Variants in CUL5 observed in about 807,000 individuals in gnomAD.
CUL5 encodes cullin 5.
CUL5 carries 26 observed loss-of-function variants against 108.8 expected under a neutral mutation model. The observed-to-expected ratio is 0.24, with a 90% CI of 0.18 to 0.33. CUL5 has a LOEUF of 0.33. CUL5 is among the 10% of genes least tolerant of loss of function. The pLI is 1.00. For synonymous variants in CUL5, 334 were observed against 298.0 expected (o/e 1.12, Z -1.25); for missense variants, 524 against 909.2 (o/e 0.58, Z 5.45).
intron 7 of CUL5, among the ~76,000 whole-genome samples, chr11:108,055,526 A>G (rs1415463601): frequency 1.3e-5 from 2 of 151,880 alleles, no homozygotes; most frequent in African/African-American, 4.8e-5. Flanking sequence ...ATTATACCTC[A>G]CTGTAACTCC....
At position 108,050,041 on chromosome 11, in the gene CUL5, A is replaced by G; in HGVS notation, c.386A>G (p.Asn129Ser). 7.4e-6 allele frequency: 12 copies of G among 1,612,678 alleles called. No individual in the cohort carries two copies. Among genetic ancestry groups the G allele is most frequent in the Non-Finnish European group, 8.5e-6 (10 of 1,179,544 alleles). Residue 129 changes from asparagine (N) to serine (S), a missense_variant, in exon 4 of 19, where the codon AAT (asparagine) becomes AGT (serine). Asn to Ser is a conservative substitution (Grantham distance 46). Around this residue, in one of 8 missense-constraint regions of CUL5, gnomAD observed 170 missense variants for 305.1 expected, o/e 0.56. Transcript: ENST00000393094. ...MGKQGSNKKS[N>S]VEDSIVRKLM... is the part of the protein sequence containing the mutation. ...AAACAGGGCAGCAATAAAAAATCAA[A>G]TGTGGAAGACAGTATTGTTCGAAAG...
At chr11:108,050,122 GA>G in intron 4 of CUL5, 56 bp downstream of exon 4, 1 of 1,434,692 alleles carries the variant, frequency 7.0e-7, no homozygotes, top group African/African-American at 1.4e-5. Flanking sequence ...GGGTAATTTG[GA>G]AGCATTTGAA....
intron 8 of CUL5, 45 bp from the exon 9 acceptor site, chr11:108,072,287 C>A: frequency 1.4e-6 from 2 of 1,465,432 alleles, no homozygotes; most frequent in Non-Finnish European, 9.3e-7. Flanking sequence ...TAAACTCTTA[C>A]TCTAGTAAAT....
At chr11:108,091,691 T>TCACA (rs1170721478) in intron 13 of CUL5, among the ~76,000 whole-genome samples, 22 of 59,762 alleles carry the variant, frequency 3.7e-4, no homozygotes, top group Non-Finnish European at 1.4e-4. Context: ...CCTGTCTCTC[T>TCACA]CACTCACACA....
intron 16 of CUL5, among the ~76,000 whole-genome samples, chr11:108,096,564 C>CTTTTT (rs71047671): frequency 2.2e-5 from 1 of 45,818 alleles, no homozygotes; most frequent in Non-Finnish European, 3.8e-5. Flanking sequence ...CAGCTATGTA[C>CTTTTT]TTTTTTTTTT....
rs771111510 is a variant in CUL5, at chr11:108,073,377, C to T, written c.1006-13C>T. The T allele has an allele frequency of 4.1e-5, 52 of 1,271,650 alleles. No homozygotes were observed. The highest frequency in any genetic ancestry group is 5.0e-5 in the Non-Finnish European group (45 of 894,410). 78.8% of individuals were successfully genotyped at this position (1,271,650 alleles called of 1,614,324 possible). A position where few individuals can be genotyped will look rare whatever the true frequency, so the allele number is the denominator to read the frequency against. On this transcript the variant is annotated splice_polypyrimidine_tract_variant and intron_variant, in intron 9 of 18. Coordinates refer to ENST00000393094, the MANE Select transcript of CUL5 (RefSeq NM_003478.6). ...TTCTTTTAAAAACTTAATGTAAAAC[C>T]TTTTGTTTCTAGGACTCTGAGAAAT...
intron 1 of CUL5, among the ~76,000 whole-genome samples, chr11:108,032,737 T>G (rs1335170132): frequency 6.6e-6 from 1 of 152,208 alleles, no homozygotes; most frequent in Non-Finnish European, 1.5e-5. Context: ...TTATTTAGAT[T>G]TTTGCATCTT....
Position 108,104,291 on chromosome 11 carries a change from G to A in CUL5, c.2250G>A (p.Lys750=), listed in dbSNP as rs1235185085. 3 of 1,610,754 alleles carry A rather than the reference G, an allele frequency of 1.9e-6. No individual in the cohort carries two copies. Among genetic ancestry groups the A allele is most frequent in the Non-Finnish European group, 1.7e-6 (2 of 1,178,844 alleles). Residue 750 remains lysine, a synonymous_variant, in exon 19 of 19, where the codon AAG becomes AAA. Coordinates refer to ENST00000393094, the MANE Select transcript of CUL5 (RefSeq NM_003478.6). ...TGAAAAACATGTTCTTGCCACAAAA[G>A]AAAATGATAAAAGAGCAAATAGAGT... ...EILKNMFLPQ[K]KMIKEQIEWL...
At chr11:108,029,489 G>A (rs1342918344) in intron 1 of CUL5, among the ~76,000 whole-genome samples, 1 of 152,218 alleles carries the variant, frequency 6.6e-6, no homozygotes, top group Admixed American at 6.5e-5. Context: ...GCAGCCTTCA[G>A]TCAGTCAGTG....
intron 1 of CUL5, among the ~76,000 whole-genome samples, chr11:108,030,327 CCCATGGGTCCT>C (rs1357489952): frequency 2.6e-5 from 4 of 152,144 alleles, no homozygotes; most frequent in African/African-American, 9.7e-5. Flanking sequence ...GTGGATATCT[CCCATGGGTCCT>C]TATGATAAGA....
chr11:108,037,070 A>G (rs1436322112), intron 2 of CUL5, among the ~76,000 whole-genome samples: 1 of 152,070 alleles, frequency 6.6e-6, no homozygotes, highest in African/African-American at 2.4e-5. Flanking sequence ...GGTCCACCCA[A>G]AACTCACCTT....
chr11:108,060,506 C>T (rs761450966), intron 7 of CUL5, among the ~76,000 whole-genome samples: 2 of 151,646 alleles, frequency 1.3e-5, no homozygotes, highest in Non-Finnish European at 2.9e-5. Flanking sequence ...GAAATTTGAG[C>T]GAGGTAGAAA....
intron 7 of CUL5, among the ~76,000 whole-genome samples, chr11:108,060,959 A>G (rs1457137695): frequency 6.6e-6 from 1 of 152,100 alleles, no homozygotes; most frequent in African/African-American, 2.4e-5. Context: ...AGCAGGCATT[A>G]TTTTTGAAGA....
intron 3 of CUL5, among the ~76,000 whole-genome samples, chr11:108,047,053 C>T (rs1355793900): frequency 6.6e-6 from 1 of 152,092 alleles, no homozygotes; most frequent in East Asian, 1.9e-4. Flanking sequence ...CACAGTAGCT[C>T]AGGCCTGTAA....
intron 1 of CUL5, among the ~76,000 whole-genome samples, chr11:108,029,226 C>T (rs1862520962): frequency 6.6e-6 from 1 of 151,088 alleles, no homozygotes; most frequent in African/African-American, 2.4e-5. Context: ...CCAGGTATTC[C>T]CCCATTGTCA....
At chr11:108,013,959 A>T (rs548102186) in intron 1 of CUL5, among the ~76,000 whole-genome samples, 1 of 152,330 alleles carries the variant, frequency 6.6e-6, no homozygotes, top group African/African-American at 2.4e-5. Context: ...TGACATCCAT[A>T]TGCAAGGTAC....
intron 18 of CUL5, among the ~76,000 whole-genome samples, chr11:108,099,370 G>A (rs1864586397): frequency 6.6e-6 from 1 of 152,160 alleles, no homozygotes. Flanking sequence ...TATAGATCAT[G>A]TAATAGGATA....
intron 8 of CUL5, among the ~76,000 whole-genome samples, chr11:108,070,598 A>G (rs1053494998): frequency 5.0e-5 from 7 of 138,924 alleles, no homozygotes; most frequent in Admixed American, 2.3e-4. Flanking sequence ...TCTGTCCCCC[A>G]AAATACTTTA....
rs978926432 is a variant in CUL5 at position 108,104,747 on chromosome 11, C to T, written c.*363C>T. ...CTTTTTTCCTCTCTTAAAAAATGTA[C>T]TTGCACAAGGAAGGATCTTCAGATA... On this transcript the variant is annotated 3_prime_UTR_variant, in exon 19 of 19. Coordinates refer to ENST00000393094, the MANE Select transcript of CUL5 (RefSeq NM_003478.6). The T allele has an allele frequency of 1.3e-5, 2 of 158,554 alleles. No individual in the cohort carries two copies. Among genetic ancestry groups the T allele is most frequent in the African/African-American group, 4.8e-5 (2 of 41,690 alleles). The allele number at this position is 158,554 out of a possible 1,614,324, so 9.8% of individuals were successfully genotyped here.
Sources: allele counts gnomAD v4.1 joint callset (sites outside exome capture counted in the v4.1 genomes callset), GRCh38; gene constraint gnomAD v4.1.1; regional missense constraint gnomAD v4.1.1; transcripts MANE v1.5; gene names NCBI Gene and HGNC (gene_info 2026-07-23, HGNC 2026-07-21).